Variants in ALMS1 observed in about 807,000 individuals in gnomAD.
ALMS1 encodes the protein centrosome-associated protein ALMS1.
Under a neutral mutation model 352.2 loss-of-function variants are expected in ALMS1, and 271 were observed. The ratio of observed to expected loss-of-function variants is 0.77; its 90% CI spans 0.70 to 0.85. The LOEUF (loss-of-function observed/expected upper bound fraction) is 0.85, where lower values mean the gene tolerates loss of function less well. ALMS1 is among the 40% of genes least tolerant of loss of function. The pLI is 0.00. For synonymous variants in ALMS1, 1,865 were observed against 1,761.2 expected (o/e 1.06, Z -1.48); for missense variants, 5,445 against 4,870.7 (o/e 1.12, Z -3.51).
At chr2:73,495,717 G>A (rs542299214) in intron 10 of ALMS1, among the ~76,000 whole-genome samples, 4 of 151,964 alleles carry the variant, frequency 2.6e-5, no homozygotes, top group African/African-American at 9.7e-5. Context: ...ATCTTTTAAC[G>A]TGTGTGTGTG....
chr2:73,505,113 C>T (rs1026453504), intron 10 of ALMS1, among the ~76,000 whole-genome samples: 3 of 152,112 alleles, frequency 2.0e-5, no homozygotes, highest in African/African-American at 7.2e-5. Flanking sequence ...TTTCTTTATC[C>T]AGTCTAATAT....
In ALMS1 at chr2:73,493,458, C is replaced by G. The variant is rs189008300; in HGVS notation, c.9539+1960C>G. On this transcript the variant is annotated intron_variant, in intron 10 of 22. Transcript: ENST00000613296. The stretch of plus-strand genomic sequence containing the variant: ...TTATAAAGGGCTGGGTGCGGTGGCT[C>G]ACACCTGTAATCCCAGCACTTTGGG... 8.8e-4 allele frequency among the ~76,000 whole-genome samples: 134 copies of G among 151,844 alleles called. 1 individual carries two copies. The highest frequency in any genetic ancestry group is 3.0e-3 in the African/African-American group (125 of 41,454).
intron 11 of ALMS1, among the ~76,000 whole-genome samples, chr2:73,534,416 T>C (rs1387172468): frequency 6.6e-6 from 1 of 152,162 alleles, no homozygotes; most frequent in Non-Finnish European, 1.5e-5. Context: ...GGGTTCGATG[T>C]AAGATAACAT....
chr2:73,486,459 T>C (rs995374967), intron 9 of ALMS1, among the ~76,000 whole-genome samples: 1 of 152,328 alleles, frequency 6.6e-6, no homozygotes, highest in East Asian at 1.9e-4. Context: ...ATGGTTATTA[T>C]TTAAAAGTTC....
rs868025242 is a variant in ALMS1, at chr2:73,609,880, G to A, written c.*268G>A. The A allele has an allele frequency of 2.3e-6, 1 of 437,386 alleles. No individual in the cohort carries two copies. The highest frequency in any genetic ancestry group is 4.2e-6 in the Non-Finnish European group (1 of 238,924). The allele number at this position is 437,386 out of a possible 1,614,324, so 27.1% of individuals were successfully genotyped here. Reference sequence around the variant, plus strand: ...CAAGAATAAGTCCCTTTTTGTATGTGTTTTTATACTTTTAGAAAATAAAAA... The same window carrying A: ...CAAGAATAAGTCCCTTTTTGTATGTATTTTTATACTTTTAGAAAATAAAAA... On this transcript the variant is annotated 3_prime_UTR_variant, in exon 23 of 23. Transcript: ENST00000613296.
Position 73,489,761 on chromosome 2 carries a change from C to G in ALMS1, c.7802C>G (p.Pro2601Arg). 2.5e-6 allele frequency: 4 copies of G among 1,614,162 alleles called. No homozygotes were observed. The highest frequency in any genetic ancestry group is 3.4e-6 in the Non-Finnish European group (4 of 1,180,038). The change falls in exon 10 of 23, where the codon CCT (proline) becomes CGT (arginine). Residue 2601 changes from proline to arginine, a missense_variant. Pro to Arg is a moderately radical substitution (Grantham distance 103). Transcript: ENST00000613296. ...TSEHPQLDRH[P>R]CAFRSAGPSE... ...GAACATCCACAACTAGATAGACACC[C>G]TTGTGCTTTCAGATCTGCTGGACCC...
At chr2:73,528,306 A>G (rs192124034) in intron 11 of ALMS1, among the ~76,000 whole-genome samples, 1 of 152,164 alleles carries the variant, frequency 6.6e-6, no homozygotes, top group Non-Finnish European at 1.5e-5. Context: ...GATCTGTCCA[A>G]TACTGAAAGC....
chr2:73,601,704 G>C (rs1675693897), intron 19 of ALMS1, among the ~76,000 whole-genome samples: 1 of 152,212 alleles, frequency 6.6e-6, no homozygotes, highest in Non-Finnish European at 1.5e-5. Flanking sequence ...CTGCTTATTG[G>C]GCCTGTGGGT....
rs188773921 is a variant in ALMS1, at chr2:73,487,546, C to T, written c.7675-2088C>T. ...AGGGACCCCCTAGGTCTGGGCTTCC[C>T]GAAAGGCCACAGCTTGTCTCTTCTT... On this transcript the variant is annotated intron_variant, in intron 9 of 22. Coordinates refer to ENST00000613296, the MANE Select transcript of ALMS1 (RefSeq NM_001378454.1). 6.6e-5 allele frequency among the ~76,000 whole-genome samples: 10 copies of T among 152,228 alleles called. No individual in the cohort carries two copies. The East Asian group carries it at 1.4e-3, about 21-fold the overall frequency.
At chr2:73,444,557 G>A (rs970277144) in intron 7 of ALMS1, among the ~76,000 whole-genome samples, 2 of 152,184 alleles carry the variant, frequency 1.3e-5, no homozygotes, top group African/African-American at 4.8e-5. Flanking sequence ...TTAAATTACA[G>A]GCTATAATGT....
In ALMS1 at chr2:73,491,263, T is replaced by C. The variant is rs537370242; in HGVS notation, c.9304T>C (p.Leu3102=). Residue 3102 remains leucine, a synonymous_variant, in exon 10 of 23, where the codon TTG becomes CTG. Transcript: ENST00000613296. ...SRSLEPTSKL[L]TSKPVAQDQE... is the part of the protein sequence containing the mutation. ...ATCACTGGAACCAACCTCCAAATTATTGACCAGTAAACCTGTAGCACAGGA... is the reference window on the plus strand; with the variant it reads ...ATCACTGGAACCAACCTCCAAATTACTGACCAGTAAACCTGTAGCACAGGA... 1 of 1,614,148 alleles carries C rather than the reference T, an allele frequency of 6.2e-7. No homozygotes were observed. The highest frequency in any genetic ancestry group is 1.3e-5 in the African/African-American group (1 of 75,058).
Position 73,450,176 on chromosome 2 carries a change from A to T in ALMS1, c.3649A>T (p.Lys1217Ter), listed in dbSNP as rs779928593. The T allele has an allele frequency of 3.7e-6, 6 of 1,613,942 alleles. No individual in the cohort carries two copies. Among genetic ancestry groups the T allele is most frequent in the Non-Finnish European group, 5.1e-6 (6 of 1,179,984 alleles). Residue 1217 changes from lysine to a stop codon, truncating the protein, a stop_gained, in exon 8 of 23, where the codon AAA becomes TAA. Coordinates refer to ENST00000613296, the MANE Select transcript of ALMS1 (RefSeq NM_001378454.1). LOFTEE classifies it high-confidence loss of function. ...TAGTCACATACCTGAAGAGGCACAG[A>T]AAGTTTCACCTGTTCTTGGACCAGC... ...PGSHIPEEAQ[K>*]VSPVLGPADQ... is the part of the protein sequence containing the mutation.
intron 11 of ALMS1, among the ~76,000 whole-genome samples, chr2:73,529,306 A>G (rs1673859357): frequency 6.6e-6 from 1 of 152,114 alleles, no homozygotes; most frequent in Non-Finnish European, 1.5e-5. Flanking sequence ...GGCCTCCCAA[A>G]GTGTTGGAAT....
rs1572938591 is a variant in ALMS1, at chr2:73,453,620, G to A, written c.7093G>A (p.Glu2365Lys). ...AACTACAGTTAGAAGTCCTCTACAG[G>A]AAGCAGAGAGCAAAGTCAGTATGGC... The part of the protein sequence containing the change: ...SSTTVRSPLQ[E>K]AESKVSMALE... Residue 2365 changes from glutamate to lysine, a missense_variant, in exon 8 of 23, where the codon GAA becomes AAA. Physicochemically the swap from Glu to Lys is moderately conservative, Grantham distance 56 (BLOSUM62 1). Coordinates refer to ENST00000613296, the MANE Select transcript of ALMS1 (RefSeq NM_001378454.1). The A allele has an allele frequency of 6.2e-7, 1 of 1,614,016 alleles. No individual in the cohort carries two copies. Among genetic ancestry groups the A allele is most frequent in the African/African-American group, 1.3e-5 (1 of 75,020 alleles).
chr2:73,397,120 A>G (rs557102905), intron 1 of ALMS1, among the ~76,000 whole-genome samples: 157 of 152,310 alleles, frequency 1.0e-3, no homozygotes, highest in African/African-American at 3.5e-3. Flanking sequence ...TTACAGAAGC[A>G]TGGAGGCCCT....
intron 1 of ALMS1, among the ~76,000 whole-genome samples, chr2:73,401,492 A>G (rs1005958289): frequency 6.6e-6 from 1 of 152,178 alleles, no homozygotes; most frequent in Admixed American, 6.5e-5. Context: ...CATGCTATTT[A>G]GAAATACACT....
At chr2:73,499,573 A>G (rs1673179008) in intron 10 of ALMS1, among the ~76,000 whole-genome samples, 1 of 152,118 alleles carries the variant, frequency 6.6e-6, no homozygotes, top group Non-Finnish European at 1.5e-5. Flanking sequence ...TCTGCATGTA[A>G]GTATCCAGTT....
chr2:73,565,973 G>A (rs77069517), intron 15 of ALMS1, among the ~76,000 whole-genome samples: 2 of 152,088 alleles, frequency 1.3e-5, no homozygotes, highest in Non-Finnish European at 2.9e-5. Flanking sequence ...AGAACAGTAT[G>A]TACAAAACAA....
At chr2:73,386,679 C>G (rs1025185222) in intron 1 of ALMS1, among the ~76,000 whole-genome samples, 2 of 152,078 alleles carry the variant, frequency 1.3e-5, no homozygotes, top group African/African-American at 4.8e-5. Context: ...TTTTCCTCCC[C>G]TGGACCATCA....
Sources: allele counts gnomAD v4.1 joint callset (sites outside exome capture counted in the v4.1 genomes callset), GRCh38; gene constraint gnomAD v4.1.1; transcripts MANE v1.5; gene names NCBI Gene and HGNC (gene_info 2026-07-23, HGNC 2026-07-21).